WDR37: variants seen among roughly 807,000 people sequenced by gnomAD.
WDR37 encodes the protein WD repeat domain 37.
In WDR37, 19 loss-of-function variants were observed where a neutral mutation model predicts 62.9. The ratio of observed to expected loss-of-function variants is 0.30; its 90% CI spans 0.21 to 0.44. The LOEUF is 0.44. Ranked by LOEUF, WDR37 falls within the 20% of genes least tolerant of loss-of-function variation. The pLI is 1.00. For synonymous variants in WDR37, 250 were observed against 260.9 expected, an observed-to-expected ratio of 0.96 and a Z score of 0.40; for missense variants, 474 against 657.6, an observed-to-expected ratio of 0.72 and a Z score of 3.05.
chr10:1,095,078 A>T (rs554705151), intron 8 of WDR37, among the ~76,000 whole-genome samples: 1 of 149,486 alleles, frequency 6.7e-6, no homozygotes, highest in East Asian at 2.1e-4. Flanking sequence ...GGTAATGGGC[A>T]TGGAGAGAGG....
At chr10:1,102,671 T>A (rs1292203972) in intron 9 of WDR37, among the ~76,000 whole-genome samples, 1 of 152,084 alleles carries the variant, frequency 6.6e-6, no homozygotes, top group East Asian at 1.9e-4. Flanking sequence ...CTATGAGGAA[T>A]CCTCCCCCAT....
intron 2 of WDR37, among the ~76,000 whole-genome samples, chr10:1,075,484 C>T (rs1457967014): frequency 6.6e-6 from 1 of 150,652 alleles, no homozygotes; most frequent in African/African-American, 2.4e-5. Flanking sequence ...TCCCTGTGTC[C>T]ATGTGTTAGC....
Position 1,056,449 on chromosome 10 carries a change from G to C in WDR37, c.-560G>C, listed in dbSNP as rs933096675. On this transcript the variant is annotated 5_prime_UTR_variant, in exon 1 of 14. Coordinates refer to ENST00000263150, the MANE Select transcript of WDR37 (RefSeq NM_014023.4). ...AGGCTCCCGCGCGGCCGGCACCGCG[G>C]CCCTGAGCGCAGGCGGCCCCGGGTC... 1 of 152,168 alleles carries C rather than the reference G, an allele frequency of 6.6e-6. No homozygotes were observed. Among genetic ancestry groups the C allele is most frequent in the Non-Finnish European group, 1.5e-5 (1 of 68,068 alleles). The allele number at this position is 152,168 out of a possible 1,614,324, so 9.4% of individuals were successfully genotyped here.
intron 1 of WDR37, among the ~76,000 whole-genome samples, chr10:1,063,297 C>G (rs1833430108): frequency 6.6e-6 from 1 of 152,116 alleles, no homozygotes; most frequent in Non-Finnish European, 1.5e-5. Flanking sequence ...TCTGAAAGAC[C>G]AGGAAAGGGG....
intron 11 of WDR37, among the ~76,000 whole-genome samples, chr10:1,106,368 C>T (rs1451565002): frequency 1.3e-5 from 2 of 152,130 alleles, no homozygotes; most frequent in African/African-American, 4.8e-5. Context: ...TCCACCCCGA[C>T]GTCTGGATAA....
intron 11 of WDR37, among the ~76,000 whole-genome samples, chr10:1,122,497 C>T (rs1394473856): frequency 6.6e-6 from 1 of 152,246 alleles, no homozygotes; most frequent in Non-Finnish European, 1.5e-5. Flanking sequence ...GGGTGGGCCA[C>T]TCATGCCCAG....
At chr10:1,084,294 A>T in intron 5 of WDR37, 109 bp from the exon 6 acceptor site, 1 of 1,362,970 alleles carries the variant, frequency 7.3e-7, no homozygotes, top group Non-Finnish European at 1.0e-6. Context: ...TAACTGTCCT[A>T]GTCAGTGATT....
intron 5 of WDR37, among the ~76,000 whole-genome samples, chr10:1,084,128 A>G (rs546151348): frequency 1.1e-3 from 167 of 152,264 alleles, no homozygotes; most frequent in Non-Finnish European, 4.1e-4. Context: ...ACCCTTCTGC[A>G]GTGAGACCTT....
At chr10:1,077,677 T>G (rs962884457) in intron 2 of WDR37, among the ~76,000 whole-genome samples, 9 of 152,260 alleles carry the variant, frequency 5.9e-5, no homozygotes, top group Admixed American at 5.9e-4. Flanking sequence ...TTTGAAGGAG[T>G]GTTTATTTTC....
chr10:1,070,027 G>A (rs568359842), intron 1 of WDR37, among the ~76,000 whole-genome samples: 12 of 152,102 alleles, frequency 7.9e-5, no homozygotes, highest in Non-Finnish European at 1.2e-4. Context: ...TCAACGTGGC[G>A]AAACCCTGTC....
chr10:1,079,910 A>C (rs1188898297), intron 3 of WDR37, 101 bp from the exon 4 acceptor site: 1 of 850,454 alleles, frequency 1.2e-6, no homozygotes, highest in Non-Finnish European at 1.9e-6. Flanking sequence ...TTTATATAAC[A>C]CTAATATATA....
chr10:1,086,327 C>G lies in WDR37; in HGVS notation c.574C>G (p.Leu192Val), dbSNP rs1834199628. Residue 192 changes from leucine to valine, a missense_variant, in exon 7 of 14, where the codon CTA (leucine) becomes GTA (valine). Leu to Val is a conservative substitution (Grantham distance 32, BLOSUM62 1). Transcript: ENST00000263150. ...GTGGAGCATAGAGACAGGGAAGTGC[C>G]TAGTCAAGTACGCAGGCCACGTGGG... ...LLWSIETGKC[L>V]VKYAGHVGSV... 1.2e-6 allele frequency: 2 copies of G among 1,614,174 alleles called. No individual in the cohort carries two copies. Among genetic ancestry groups the G allele is most frequent in the East Asian group, 4.5e-5 (2 of 44,882 alleles).
chr10:1,080,811 C>A (rs904629802), intron 5 of WDR37, among the ~76,000 whole-genome samples: 1 of 151,592 alleles, frequency 6.6e-6, no homozygotes, highest in African/African-American at 2.4e-5. Flanking sequence ...GAGGCTGAGG[C>A]ATGAGAATTG....
chr10:1,066,264 T>G (rs182100538), intron 1 of WDR37, among the ~76,000 whole-genome samples: 2 of 152,096 alleles, frequency 1.3e-5, no homozygotes, highest in African/African-American at 4.8e-5. Flanking sequence ...TACAGGTGCC[T>G]GCCACCACGC....
intron 1 of WDR37, among the ~76,000 whole-genome samples, chr10:1,066,442 C>T (rs967752556): frequency 6.6e-6 from 1 of 152,168 alleles, no homozygotes; most frequent in African/African-American, 2.4e-5. Context: ...GCAGAAAAAA[C>T]CTTGACATGG....
chr10:1,069,389 A>ATATATATATATT, intron 1 of WDR37, among the ~76,000 whole-genome samples: 77 of 95,762 alleles, frequency 8.0e-4, no homozygotes, highest in African/African-American at 2.5e-3. Context: ...ATATATATAT[A>ATATATATATATT]TTTTTTTTTT....
At chr10:1,108,421 C>T (rs1835090271) in intron 11 of WDR37, among the ~76,000 whole-genome samples, 1 of 152,162 alleles carries the variant, frequency 6.6e-6, no homozygotes, top group Non-Finnish European at 1.5e-5. Context: ...TTTAAGTGCC[C>T]CTCTGCTGTG....
intron 7 of WDR37, among the ~76,000 whole-genome samples, chr10:1,089,407 A>G (rs987025935): frequency 1.3e-5 from 2 of 152,108 alleles, no homozygotes; most frequent in Admixed American, 1.3e-4. Flanking sequence ...CAGGGCTTCC[A>G]TGATGACTTC....
At chr10:1,118,316 G>T (rs1263147335) in intron 11 of WDR37, among the ~76,000 whole-genome samples, 3 of 99,848 alleles carry the variant, frequency 3.0e-5, no homozygotes, top group African/African-American at 4.1e-5. Flanking sequence ...CATCTGAGCC[G>T]CGTGCACTCA....
Sources: gnomAD v4.1 joint callset for allele counts (sites outside exome capture counted in the v4.1 genomes callset) on GRCh38, gnomAD v4.1.1 for gene constraint, MANE v1.5 for transcripts, NCBI Gene and HGNC (gene_info 2026-07-23, HGNC 2026-07-21) for gene names.